GPR160: variants seen among roughly 807,000 people sequenced by gnomAD.
The protein encoded by GPR160 is G protein-coupled receptor 160, also known as probable G protein-coupled receptor 160.
A neutral mutation model predicts 2.6 loss-of-function variants in GPR160; 2 were observed. The ratio of observed to expected loss-of-function variants is 0.77; its 90% CI spans 0.32 to 2.44. The LOEUF (loss-of-function observed/expected upper bound fraction) is 2.44. Ranked by LOEUF, GPR160 falls within the 30% of genes most tolerant of loss-of-function variation. GPR160 has a pLI of 0.11. For synonymous variants in GPR160, 130 were observed against 132.2 expected (o/e 0.98, Z 0.12); for missense variants, 351 against 383.6 (o/e 0.91, Z 0.71).
chr3:170,053,960 GTT>G (rs1381297017), intron 2 of GPR160, among the ~76,000 whole-genome samples: 1 of 139,042 alleles, frequency 7.2e-6, no homozygotes. Context: ...TTGGTTTTTT[GTT>G]TTTTTTTTTA....
intron 3 of GPR160, among the ~76,000 whole-genome samples, chr3:170,080,423 C>A (rs550785360): frequency 2.0e-5 from 3 of 152,080 alleles, no homozygotes; most frequent in Non-Finnish European, 4.4e-5. Context: ...GCCTGTCTTC[C>A]CCGCTCTTAT....
rs1254401781 is a variant in GPR160 at position 170,084,992 on chromosome 3, T to C, written c.*3T>C. The C allele has an allele frequency of 1.5e-6, 2 of 1,368,744 alleles. No homozygotes were observed. The highest frequency in any genetic ancestry group is 2.4e-5 in the Admixed American group (1 of 42,166). 84.8% of individuals were successfully genotyped at this position (1,368,744 alleles called of 1,614,324 possible). A position where few individuals can be genotyped will look rare whatever the true frequency, so the allele number is the denominator to read the frequency against. On this transcript the variant is annotated 3_prime_UTR_variant, in exon 4 of 4. Coordinates refer to ENST00000355897, the MANE Select transcript of GPR160 (RefSeq NM_014373.3). ...CTATATCAATAATGATTTGTTAATA[T>C]TATTAATTAAAAGTTACAGCTGTCA...
chr3:170,044,491 C>A (rs891918934), intron 2 of GPR160, among the ~76,000 whole-genome samples: 1 of 152,058 alleles, frequency 6.6e-6, no homozygotes, highest in African/African-American at 2.4e-5. Flanking sequence ...TTGTTCGCTA[C>A]CCCCTGCAGT....
intron 2 of GPR160, among the ~76,000 whole-genome samples, chr3:170,066,736 C>G (rs1474077129): frequency 6.6e-6 from 1 of 152,182 alleles, no homozygotes; most frequent in Non-Finnish European, 1.5e-5. Context: ...TACTTTTGCA[C>G]ACATGCAAGT....
chr3:170,062,540 C>G, intron 2 of GPR160: 1 of 695,020 alleles, frequency 1.4e-6, no homozygotes, highest in Non-Finnish European at 2.6e-6. Context: ...AGCCCAAGCA[C>G]AGAAGATCAA....
rs542625040 is a variant in GPR160, at chr3:170,062,955, C to T, written c.-192-16819C>T. 6.8e-4 allele frequency: 203 copies of T among 297,040 alleles called. 2 individuals carry two copies. The highest frequency in any genetic ancestry group is 4.2e-3 in the African/African-American group (192 of 45,494). 18.4% of individuals were successfully genotyped at this position (297,040 alleles called of 1,614,324 possible). On this transcript the variant is annotated intron_variant, in intron 2 of 3. Coordinates refer to ENST00000355897, the MANE Select transcript of GPR160 (RefSeq NM_014373.3). Reference sequence around the variant, plus strand: ...AGCCTCACGGAGATCACCGACGCCACGGGACCCCTCCATGGTGGATCTCCG... The same window carrying T: ...AGCCTCACGGAGATCACCGACGCCATGGGACCCCTCCATGGTGGATCTCCG...
At chr3:170,083,038 A>G (rs2108199023) in intron 3 of GPR160, among the ~76,000 whole-genome samples, 1 of 148,260 alleles carries the variant, frequency 6.7e-6, no homozygotes, top group Non-Finnish European at 1.5e-5. Context: ...ATTGAGTAGT[A>G]TTGTAGAAAT....
At chr3:170,081,487 T>C (rs1466166564) in intron 3 of GPR160, among the ~76,000 whole-genome samples, 10 of 152,210 alleles carry the variant, frequency 6.6e-5, no homozygotes, top group African/African-American at 1.9e-4. Context: ...AGTAGATTAT[T>C]TGTATACCTT....
rs368019452 is a variant in GPR160, at chr3:170,045,408, C to CAAAAAAAAAAAAAAAAAAAAAAA, written c.-193+6382_-193+6404dup. Among the ~76,000 whole-genome samples the CAAAAAAAAAAAAAAAAAAAAAAA allele has an allele frequency of 2.4e-4, 8 of 33,658 alleles. 2 individuals are homozygous for CAAAAAAAAAAAAAAAAAAAAAAA. Among genetic ancestry groups the CAAAAAAAAAAAAAAAAAAAAAAA allele is most frequent in the Non-Finnish European group, 4.4e-4 (8 of 18,160 alleles). The allele number at this position is 33,658 out of a possible 152,430, so 22.1% of individuals were successfully genotyped here. On this transcript the variant is annotated intron_variant, in intron 2 of 3. Transcript: ENST00000355897. ...TGAAACCCTGTCTCTACTAAAAATA[C>CAAAAAAAAAAAAAAAAAAAAAAA]AAAAAAAAAAAAAAAAAAAAAAAAA...
At chr3:170,062,477 A>G (rs1205506516) in intron 2 of GPR160, 4 of 587,034 alleles carry the variant, frequency 6.8e-6, no homozygotes, top group Admixed American at 2.5e-5. Flanking sequence ...GTCAAATGCC[A>G]GGGGAAACCA....
intron 2 of GPR160, among the ~76,000 whole-genome samples, chr3:170,045,997 G>A (rs1167676819): frequency 6.6e-6 from 1 of 152,204 alleles, no homozygotes; most frequent in East Asian, 1.9e-4. Context: ...TTGTAACAGT[G>A]CCTGGCATGG....
intron 2 of GPR160, among the ~76,000 whole-genome samples, chr3:170,048,968 C>T (rs1716845144): frequency 6.6e-6 from 1 of 152,190 alleles, no homozygotes; most frequent in South Asian, 2.1e-4. Flanking sequence ...AGGCCACCAC[C>T]TTACCAGTCA....
intron 2 of GPR160, among the ~76,000 whole-genome samples, chr3:170,049,067 C>T (rs527905148): frequency 2.0e-5 from 3 of 152,142 alleles, no homozygotes; most frequent in Non-Finnish European, 4.4e-5. Flanking sequence ...CTGTGTCTAC[C>T]ACTGGTTTGC....
intron 2 of GPR160, among the ~76,000 whole-genome samples, chr3:170,074,683 G>A (rs773871804): frequency 1.6e-4 from 24 of 151,600 alleles, no homozygotes; most frequent in Non-Finnish European, 3.2e-4. Context: ...AGGTTTTGCC[G>A]TGTTGCCCAG....
chr3:170,040,711 G>A (rs1716409332), intron 2 of GPR160, among the ~76,000 whole-genome samples: 1 of 152,186 alleles, frequency 6.6e-6, no homozygotes, highest in Non-Finnish European at 1.5e-5. Flanking sequence ...TAGGATTTAT[G>A]TACACTTCTG....
chr3:170,069,172 C>T (rs1034094635), intron 2 of GPR160, among the ~76,000 whole-genome samples: 9 of 152,188 alleles, frequency 5.9e-5, no homozygotes, highest in East Asian at 1.9e-4. Context: ...ATTCTTACTC[C>T]GCAGTTGGAG....
At position 170,084,339 on chromosome 3, in the gene GPR160, A is replaced by C; in HGVS notation, c.367A>C (p.Asn123His). 1 of 1,608,918 alleles carries C rather than the reference A, an allele frequency of 6.2e-7. No homozygotes were observed. Among genetic ancestry groups the C allele is most frequent in the Non-Finnish European group, 8.5e-7 (1 of 1,176,708 alleles). ...FLTACIDYCL[N>H]FSKTTKLSFK... ...GACAGCTTGTATAGATTATTGCCTGAATTTCTCTAAAACAACCAAGCTTTC... is the reference window on the plus strand; with the variant it reads ...GACAGCTTGTATAGATTATTGCCTGCATTTCTCTAAAACAACCAAGCTTTC... Residue 123 changes from asparagine (N) to histidine (H), a missense_variant, in exon 4 of 4, where the codon AAT becomes CAT. Asn to His is a moderately conservative substitution (Grantham distance 68). Transcript: ENST00000355897.
intron 2 of GPR160, among the ~76,000 whole-genome samples, chr3:170,056,353 G>A (rs1225865653): frequency 1.3e-5 from 2 of 152,326 alleles, no homozygotes; most frequent in Middle Eastern, 6.8e-3. Flanking sequence ...AAAATGAATT[G>A]TGTCAGTGTA....
At chr3:170,064,837 T>G (rs1712229388) in intron 2 of GPR160, among the ~76,000 whole-genome samples, 1 of 152,134 alleles carries the variant, frequency 6.6e-6, no homozygotes, top group African/African-American at 2.4e-5. Flanking sequence ...CCATTCTTAC[T>G]GAGTGAGACT....
Sources: gnomAD v4.1 joint callset for allele counts (sites outside exome capture counted in the v4.1 genomes callset) on GRCh38, gnomAD v4.1.1 for gene constraint, MANE v1.5 for transcripts, NCBI Gene and HGNC (gene_info 2026-07-23, HGNC 2026-07-21) for gene names.